Variants in SULT1E1 observed in about 807,000 individuals in gnomAD.
SULT1E1 encodes the protein sulfotransferase family 1E member 1.
Under a neutral mutation model 33.6 loss-of-function variants are expected in SULT1E1, and 36 were observed. That is an observed-to-expected ratio of 1.07 (90% confidence interval 0.82 to 1.41). The LOEUF (loss-of-function observed/expected upper bound fraction) is 1.41. SULT1E1 is among the 40% of genes most tolerant of loss of function. The pLI is 0.00. For missense variants in SULT1E1, 371 were observed against 345.7 expected (o/e 1.07, Z -0.58); for synonymous variants, 121 against 111.7 (o/e 1.08, Z -0.53).
chr4:69,833,921 C>T, the SULT1E1 span, among the ~76,000 whole-genome samples: 1 of 152,164 alleles, frequency 6.6e-6, no homozygotes, highest in South Asian at 2.1e-4. Context: ...CCAATACTTT[C>T]TTTTTAATTG....
rs1426530600 is a variant in SULT1E1 at position 69,847,792 on chromosome 4, A to G, written c.497T>C (p.Val166Ala). Reference sequence around the variant, plus strand: ...ATGTTTATACCAGGAACCATAAGGAACTAAAATTAGAGAGAAAAACAGTGT... The same window carrying G: ...ATGTTTATACCAGGAACCATAAGGAGCTAAAATTAGAGAGAAAAACAGTGT... Reference protein sequence around the residue: ...EFVEKFMQGQVPYGSWYKHVK... With the variant: ...EFVEKFMQGQAPYGSWYKHVK... Residue 166 changes from valine to alanine, a missense_variant and splice_region_variant, in exon 6 of 8, where the codon GTT becomes GCT. Coordinates refer to ENST00000226444, the MANE Select transcript of SULT1E1 (RefSeq NM_005420.3). 5.6e-6 allele frequency: 9 copies of G among 1,602,924 alleles called. No individual in the cohort carries two copies. The highest frequency in any genetic ancestry group is 2.6e-6 in the Non-Finnish European group (3 of 1,171,624).
At chr4:69,850,907 A>T (rs980207227) in intron 4 of SULT1E1, among the ~76,000 whole-genome samples, 3 of 152,068 alleles carry the variant, frequency 2.0e-5, no homozygotes, top group Non-Finnish European at 4.4e-5. Flanking sequence ...TTTACTGTAC[A>T]TGCTCATTTT....
intron 6 of SULT1E1, 139 bp downstream of exon 6, chr4:69,847,559 T>A (rs1288747147): frequency 1.6e-5 from 8 of 493,406 alleles, no homozygotes; most frequent in African/African-American, 8.0e-5. Flanking sequence ...AGTATCTGTA[T>A]TATTTTGGTC....
the SULT1E1 span, among the ~76,000 whole-genome samples, chr4:69,829,609 A>T: frequency 6.6e-6 from 1 of 152,156 alleles, no homozygotes; most frequent in Non-Finnish European, 1.5e-5. Context: ...TTCCCTTGCC[A>T]CCCAAATGTA....
chr4:69,853,644 C>T (rs578009209), intron 4 of SULT1E1, among the ~76,000 whole-genome samples: 1 of 152,174 alleles, frequency 6.6e-6, no homozygotes, highest in East Asian at 1.9e-4. Flanking sequence ...GTTAACCTGT[C>T]CTTTTTCTGA....
the SULT1E1 span, among the ~76,000 whole-genome samples, chr4:69,824,452 C>T: frequency 1.3e-5 from 2 of 152,216 alleles, no homozygotes; most frequent in Non-Finnish European, 2.9e-5. Context: ...TTCTCCTGGT[C>T]AGTCTCCCAG....
intron 6 of SULT1E1, among the ~76,000 whole-genome samples, chr4:69,844,732 G>T (rs972511262): frequency 6.6e-6 from 1 of 151,980 alleles, no homozygotes; most frequent in Admixed American, 6.6e-5. Context: ...TAATTTATTG[G>T]TGTAATTAGT....
downstream of SULT1E1, among the ~76,000 whole-genome samples, chr4:69,840,872 C>T (rs1720870264): frequency 6.6e-6 from 1 of 152,086 alleles, no homozygotes; most frequent in Non-Finnish European, 1.5e-5. Context: ...CTGTGAAACC[C>T]CGTCTCTACT....
intron 4 of SULT1E1, among the ~76,000 whole-genome samples, chr4:69,852,854 A>C (rs1009259302): frequency 6.6e-6 from 1 of 152,160 alleles, no homozygotes; most frequent in Admixed American, 6.6e-5. Flanking sequence ...TTGAGAAGTA[A>C]GGAGTTAACA....
the SULT1E1 span, among the ~76,000 whole-genome samples, chr4:69,833,890 C>T: frequency 6.6e-6 from 1 of 152,186 alleles, no homozygotes; most frequent in Non-Finnish European, 1.5e-5. Context: ...AGAATAATCA[C>T]ATTTGTTGTT....
intron 5 of SULT1E1, 158 bp downstream of exon 5, chr4:69,849,279 T>A: frequency 1.4e-6 from 1 of 718,026 alleles, no homozygotes; most frequent in South Asian, 2.2e-5. Flanking sequence ...CTGGACACAG[T>A]ATGCTTGCTC....
chr4:69,836,053 G>A, the SULT1E1 span, among the ~76,000 whole-genome samples: 1 of 152,128 alleles, frequency 6.6e-6, no homozygotes. Context: ...GCAGTATGCT[G>A]TTTGGCATGC....
chr4:69,843,088 G>A (rs1469277399), intron 7 of SULT1E1, among the ~76,000 whole-genome samples: 4 of 151,916 alleles, frequency 2.6e-5, no homozygotes, highest in East Asian at 1.9e-4. Flanking sequence ...CGCCCGTCTC[G>A]GCCTCCCAAA....
At chr4:69,822,170 T>C in the SULT1E1 span, among the ~76,000 whole-genome samples, 4 of 152,324 alleles carry the variant, frequency 2.6e-5, no homozygotes, top group Admixed American at 6.5e-5. Context: ...CCCTCAACAA[T>C]TCTGTTGTTG....
At chr4:69,837,797 C>A (rs1053780656), downstream of SULT1E1, among the ~76,000 whole-genome samples, 2 of 152,140 alleles carry the variant, frequency 1.3e-5, no homozygotes, top group Admixed American at 6.6e-5. Context: ...TCCCAAAGTG[C>A]TGGGATTACA....
the SULT1E1 span, among the ~76,000 whole-genome samples, chr4:69,824,522 A>G: frequency 1.1e-4 from 17 of 152,216 alleles, no homozygotes; most frequent in South Asian, 3.5e-3. Context: ...CATGAGCAAG[A>G]AATTTGGGAT....
chr4:69,860,035 TA>T lies in SULT1E1; in HGVS notation c.-10+13del, dbSNP rs1206967809. Reference sequence around the variant, plus strand: ...AAAATCTAAGTATTGATATTAATAATAAAAAAGTACAACCTGTTTAGTTGAT... The same window carrying T: ...AAAATCTAAGTATTGATATTAATAATAAAAAGTACAACCTGTTTAGTTGAT... On this transcript the variant is annotated intron_variant, in intron 1 of 7. Coordinates refer to ENST00000226444, the MANE Select transcript of SULT1E1 (RefSeq NM_005420.3). 6.6e-6 allele frequency: 1 copy of T among 152,042 alleles called. No individual in the cohort carries two copies. 9.4% of individuals were successfully genotyped at this position (152,042 alleles called of 1,614,324 possible). A position where few individuals can be genotyped will look rare whatever the true frequency, so the allele number is the denominator to read the frequency against.
At chr4:69,824,474 C>CT in the SULT1E1 span, among the ~76,000 whole-genome samples, 2 of 152,146 alleles carry the variant, frequency 1.3e-5, no homozygotes, top group Admixed American at 1.3e-4. Context: ...GGAGGAGCTC[C>CT]TTTTTTCTCA....
At chr4:69,831,202 G>T in the SULT1E1 span, among the ~76,000 whole-genome samples, 1 of 152,170 alleles carries the variant, frequency 6.6e-6, no homozygotes, top group Non-Finnish European at 1.5e-5. Context: ...TAAGGAGGAT[G>T]AGGAAATTCT....
Sources: allele counts gnomAD v4.1 joint callset (sites outside exome capture counted in the v4.1 genomes callset), GRCh38; gene constraint gnomAD v4.1.1; transcripts MANE v1.5; gene names NCBI Gene and HGNC (gene_info 2026-07-23, HGNC 2026-07-21).